The following TBC1D1 variants were observed in gnomAD, a reference collection of about 807,000 sequenced individuals.
TBC1D1 encodes the protein TBC1 (tre-2/USP6, BUB2, cdc16) domain family, member 1.
Under a neutral mutation model 125.6 loss-of-function variants are expected in TBC1D1, and 89 were observed. That is an observed-to-expected ratio of 0.71 (90% confidence interval 0.60 to 0.85). The LOEUF (loss-of-function observed/expected upper bound fraction) is 0.85, where lower values mean the gene tolerates loss of function less well. Ranked by LOEUF, TBC1D1 falls within the 40% of genes least tolerant of loss-of-function variation. The pLI is 0.00. For missense variants in TBC1D1, 1,377 were observed against 1,469.2 expected, an observed-to-expected ratio of 0.94 and a Z score of 1.03; for synonymous variants, 565 against 564.1, an observed-to-expected ratio of 1.00 and a Z score of -0.02.
chr4:37,920,409 G>A (rs1434429489), intron 2 of TBC1D1, among the ~76,000 whole-genome samples: 3 of 152,212 alleles, frequency 2.0e-5, no homozygotes, highest in Non-Finnish European at 2.9e-5. Context: ...ACCGGGTAAA[G>A]AGACAAAACA....
At chr4:37,987,421 A>C (rs1458591520) in intron 2 of TBC1D1, among the ~76,000 whole-genome samples, 1 of 152,100 alleles carries the variant, frequency 6.6e-6, no homozygotes, top group East Asian at 1.9e-4. Context: ...TTGTACCTGC[A>C]TTGTCTCTGT....
intron 15 of TBC1D1, chr4:38,112,156 G>T (rs1762297150): frequency 4.0e-6 from 3 of 747,234 alleles, no homozygotes; most frequent in Non-Finnish European, 4.9e-6. Context: ...CTGAATCTAG[G>T]TGGTGGTGGT....
At chr4:37,926,938 G>A (rs563589297) in intron 2 of TBC1D1, among the ~76,000 whole-genome samples, 2 of 152,222 alleles carry the variant, frequency 1.3e-5, no homozygotes, top group Admixed American at 1.3e-4. Flanking sequence ...CCAACATGGT[G>A]AAACCCCATC....
chr4:37,998,590 C>T (rs1443070692), intron 2 of TBC1D1, among the ~76,000 whole-genome samples: 4 of 152,194 alleles, frequency 2.6e-5, no homozygotes, highest in East Asian at 1.9e-4. Flanking sequence ...CCTCTTTGCA[C>T]GTGGTCAGTC....
chr4:37,902,751 A>C (rs1316089957), intron 2 of TBC1D1, among the ~76,000 whole-genome samples: 2 of 152,254 alleles, frequency 1.3e-5, no homozygotes, highest in African/African-American at 2.4e-5. Flanking sequence ...AAATCAGTCT[A>C]AAACTACTAA....
rs776941680 is a variant in TBC1D1 at position 38,039,104 on chromosome 4, C to CTTTTTTTTTTTTTT, written c.1413+3424_1413+3437dup. ...AATTTCTTATAAATGGCATCATACT[C>CTTTTTTTTTTTTTT]TTTTTTTTTTTTTTTTTTTTTTTTT... is the stretch of plus-strand genomic sequence containing the variant. On this transcript the variant is annotated intron_variant, in intron 8 of 19. Coordinates refer to ENST00000261439, the MANE Select transcript of TBC1D1 (RefSeq NM_015173.4). 4.5e-4 allele frequency among the ~76,000 whole-genome samples: 23 copies of CTTTTTTTTTTTTTT among 51,584 alleles called. 6 individuals are homozygous for CTTTTTTTTTTTTTT. Among genetic ancestry groups the CTTTTTTTTTTTTTT allele is most frequent in the South Asian group, 2.1e-3 (2 of 960 alleles). The allele number at this position is 51,584 out of a possible 152,430, so 33.8% of individuals were successfully genotyped here. A position where few individuals can be genotyped will look rare whatever the true frequency, so the allele number is the denominator to read the frequency against.
At chr4:38,124,285 G>T (rs775458433) in intron 17 of TBC1D1, among the ~76,000 whole-genome samples, 1 of 152,164 alleles carries the variant, frequency 6.6e-6, no homozygotes, top group Admixed American at 6.5e-5. Flanking sequence ...CTGCTCGGCC[G>T]CTTGCCTTGG....
chr4:38,041,212 G>A (rs923121565), intron 8 of TBC1D1, among the ~76,000 whole-genome samples: 7 of 152,166 alleles, frequency 4.6e-5, no homozygotes, highest in African/African-American at 1.4e-4. Flanking sequence ...TAAGGTCTTC[G>A]AACAGCAGAT....
intron 2 of TBC1D1, among the ~76,000 whole-genome samples, chr4:37,991,079 T>C (rs7691014): frequency 0.41 from 60,174 of 146,402 alleles, 12,864 homozygotes; most frequent in East Asian, 0.53. Context: ...GGGGGGAAGG[T>C]GGTGAAGGCA....
intron 2 of TBC1D1, among the ~76,000 whole-genome samples, chr4:37,990,094 G>A (rs757721464): frequency 6.6e-6 from 1 of 152,224 alleles, no homozygotes; most frequent in Non-Finnish European, 1.5e-5. Context: ...CCAGTCATTA[G>A]GTGGAAATAA....
At chr4:37,917,423 C>A (rs975436224) in intron 2 of TBC1D1, among the ~76,000 whole-genome samples, 1 of 152,098 alleles carries the variant, frequency 6.6e-6, no homozygotes, top group Non-Finnish European at 1.5e-5. Flanking sequence ...TGCAGTGAGC[C>A]GAGACTGCGT....
At chr4:37,893,409 A>G (rs569999494) in intron 1 of TBC1D1, among the ~76,000 whole-genome samples, 1 of 152,246 alleles carries the variant, frequency 6.6e-6, no homozygotes, top group East Asian at 1.9e-4. Flanking sequence ...TTTCCAGTCT[A>G]CCGTGCTGCC....
At chr4:37,963,381 G>T (rs1730420585) in intron 2 of TBC1D1, among the ~76,000 whole-genome samples, 1 of 146,986 alleles carries the variant, frequency 6.8e-6, no homozygotes, top group African/African-American at 2.5e-5. Flanking sequence ...GCAAGAGCAA[G>T]AAAGAGTTGA....
intron 2 of TBC1D1, among the ~76,000 whole-genome samples, chr4:37,957,714 C>T (rs1031018735): frequency 6.6e-6 from 1 of 152,182 alleles, no homozygotes; most frequent in Non-Finnish European, 1.5e-5. Flanking sequence ...TCCTACACCA[C>T]TTTTTCATAA....
At chr4:37,924,553 C>T (rs998823114) in intron 2 of TBC1D1, among the ~76,000 whole-genome samples, 6 of 152,160 alleles carry the variant, frequency 3.9e-5, no homozygotes, top group African/African-American at 1.2e-4. Flanking sequence ...GCCTCCAGAC[C>T]CTGGAAACCT....
rs201474851 is a variant in TBC1D1 at position 38,054,194 on chromosome 4, T to A, written c.1911-5T>A. The A allele has an allele frequency of 1.2e-6, 2 of 1,613,894 alleles. No homozygotes were observed. The highest frequency in any genetic ancestry group is 1.1e-5 in the South Asian group (1 of 91,078). On this transcript the variant is annotated splice_polypyrimidine_tract_variant and splice_region_variant and intron_variant, in intron 11 of 19. Coordinates refer to ENST00000261439, the MANE Select transcript of TBC1D1 (RefSeq NM_015173.4). Reference sequence around the variant, plus strand: ...AGTCATAAATCAATCATCTTATAATTTTAGGGACTTTGAATCCAAAGCAAA... The same window carrying A: ...AGTCATAAATCAATCATCTTATAATATTAGGGACTTTGAATCCAAAGCAAA...
At chr4:38,010,315 A>G (rs1171555620) in intron 2 of TBC1D1, among the ~76,000 whole-genome samples, 1 of 152,062 alleles carries the variant, frequency 6.6e-6, no homozygotes, top group African/African-American at 2.4e-5. Flanking sequence ...GGGCGTCTCT[A>G]ACCTCATCCT....
At chr4:37,959,561 A>C (rs1034076608) in intron 2 of TBC1D1, among the ~76,000 whole-genome samples, 2 of 152,190 alleles carry the variant, frequency 1.3e-5, no homozygotes, top group African/African-American at 4.8e-5. Context: ...TTCAAGACTC[A>C]ACTGTATATT....
intron 2 of TBC1D1, among the ~76,000 whole-genome samples, chr4:37,967,762 G>C (rs942880998): frequency 3.9e-5 from 6 of 152,062 alleles, no homozygotes; most frequent in Non-Finnish European, 5.9e-5. Flanking sequence ...GTGCTCTGTC[G>C]AGTGATGCTT....
Sources: gnomAD v4.1 joint callset for allele counts (sites outside exome capture counted in the v4.1 genomes callset) on GRCh38, gnomAD v4.1.1 for gene constraint, MANE v1.5 for transcripts, NCBI Gene and HGNC (gene_info 2026-07-23, HGNC 2026-07-21) for gene names.